JAK1: variants seen among roughly 807,000 people sequenced by gnomAD.
The protein encoded by JAK1 is tyrosine-protein kinase JAK1.
JAK1 carries 16 observed loss-of-function variants against 136.6 expected under a neutral mutation model. That is an observed-to-expected ratio of 0.12 (90% confidence interval 0.08 to 0.18). The LOEUF (loss-of-function observed/expected upper bound fraction) is 0.18, where lower values mean the gene tolerates loss of function less well. Among genes scored for constraint, JAK1 ranks in the 10% least tolerant of loss-of-function variants. The pLI, the probability that JAK1 is intolerant of heterozygous loss-of-function variation, is 1.00. For missense variants in JAK1, 859 were observed against 1,450.1 expected (o/e 0.59, Z 6.62); for synonymous variants, 492 against 519.5 (o/e 0.95, Z 0.72).
intron 1 of JAK1, among the ~76,000 whole-genome samples, chr1:64,946,259 A>G (rs1398197276): frequency 6.6e-6 from 1 of 152,212 alleles, no homozygotes; most frequent in Non-Finnish European, 1.5e-5. Flanking sequence ...TACAGGAGAG[A>G]GGAAACCACT....
At chr1:64,943,488 G>A (rs61784754) in intron 1 of JAK1, among the ~76,000 whole-genome samples, 10,824 of 152,268 alleles carry the variant, frequency 0.071, 503 homozygotes, top group South Asian at 0.11. Flanking sequence ...TTAGTGGGGA[G>A]ATGATGATTT....
At chr1:64,865,862 CGA>C (rs1252450818) in intron 7 of JAK1, among the ~76,000 whole-genome samples, 1 of 152,062 alleles carries the variant, frequency 6.6e-6, no homozygotes, top group African/African-American at 2.4e-5. Flanking sequence ...CAGGCTCAGG[CGA>C]TCCTCCCAAC....
chr1:64,988,559 G>A (rs1646621593), intron 2 of JAK1, among the ~76,000 whole-genome samples: 1 of 152,072 alleles, frequency 6.6e-6, no homozygotes, highest in Admixed American at 6.6e-5. Flanking sequence ...GAGGCTTACA[G>A]CCACCAAGTG....
At position 64,957,417 on chromosome 1, in the gene JAK1, G is replaced by C. The variant is rs181588324; in HGVS notation, c.-78+8916C>G. Among the ~76,000 whole-genome samples, 3 of 152,342 alleles carry C rather than the reference G, an allele frequency of 2.0e-5. No individual in the cohort carries two copies. In the East Asian group the frequency reaches 5.8e-4, roughly 29 times the overall value. On this transcript the variant is annotated intron_variant, in intron 1 of 24. Coordinates refer to ENST00000342505, the MANE Select transcript of JAK1 (RefSeq NM_002227.4). ...CTCTCTGCACCAGCTGCAGGGTGTT[G>C]GTCCCACCATAGGTCTTTGGCACAT...
chr1:64,936,067 T>C (rs1461235990), intron 1 of JAK1, among the ~76,000 whole-genome samples: 1 of 152,182 alleles, frequency 6.6e-6, no homozygotes, highest in Non-Finnish European at 1.5e-5. Flanking sequence ...AGTGTCAATA[T>C]GGGATCCGGC....
chr1:65,011,107 T>C (rs1192803319), intron 2 of JAK1, among the ~76,000 whole-genome samples: 1 of 152,244 alleles, frequency 6.6e-6, no homozygotes, highest in African/African-American at 2.4e-5. Context: ...ACCAAAAGCA[T>C]TCATTTGCCT....
intron 2 of JAK1, chr1:64,992,504 C>T (rs1454177631): frequency 6.6e-6 from 1 of 152,088 alleles, no homozygotes; most frequent in Non-Finnish European, 1.5e-5. Flanking sequence ...CAAGAAACAC[C>T]TCCCTAAATG....
In JAK1 at chr1:64,907,004, C is replaced by CAA. The variant is rs35945175; in HGVS notation, c.-77-20665_-77-20664dup. On this transcript the variant is annotated intron_variant, in intron 1 of 24. Coordinates refer to ENST00000342505, the MANE Select transcript of JAK1 (RefSeq NM_002227.4). ...CTTCTCTTAACAGTGAGGAGAAGCACAAAAAAAAAAAAAAGAATATTTATG... is the reference window on the plus strand; with the variant it reads ...CTTCTCTTAACAGTGAGGAGAAGCACAAAAAAAAAAAAAAAAGAATATTTATG... Among the ~76,000 whole-genome samples the CAA allele has an allele frequency of 5.2e-3, 725 of 140,324 alleles. 7 individuals are homozygous for CAA. The highest frequency in any genetic ancestry group is 8.3e-3 in the African/African-American group (309 of 37,392). 92.1% of individuals were successfully genotyped at this position (140,324 alleles called of 152,430 possible).
chr1:64,875,623 C>T (rs2101179056), intron 4 of JAK1, among the ~76,000 whole-genome samples: 1 of 152,354 alleles, frequency 6.6e-6, no homozygotes, highest in South Asian at 2.1e-4. Context: ...TTCAATGATT[C>T]TATACAGCCC....
chr1:65,059,480 T>C (rs1647697560), intron 1 of JAK1, among the ~76,000 whole-genome samples: 1 of 152,246 alleles, frequency 6.6e-6, no homozygotes, highest in African/African-American at 2.4e-5. Flanking sequence ...GTAACATTGA[T>C]ATTTTTCACT....
chr1:65,030,137 G>A (rs1647010069), intron 2 of JAK1, among the ~76,000 whole-genome samples: 2 of 152,062 alleles, frequency 1.3e-5, no homozygotes, highest in African/African-American at 4.8e-5. Flanking sequence ...AAGAGGAAGG[G>A]ATACCAGCAC....
chr1:64,841,685 C>T, intron 17 of JAK1, 84 bp from the exon 18 acceptor site: 1 of 1,387,830 alleles, frequency 7.2e-7, no homozygotes, highest in East Asian at 2.3e-5. Flanking sequence ...ATTGCCAATT[C>T]CTCATTCGAT....
chr1:64,971,115 G>A (rs1192543763), upstream of JAK1, among the ~76,000 whole-genome samples: 2 of 152,288 alleles, frequency 1.3e-5, no homozygotes, highest in South Asian at 2.1e-4. Flanking sequence ...TACAAATCAT[G>A]AAATTTGTTT....
chr1:64,910,199 G>A (rs570732712), intron 1 of JAK1, among the ~76,000 whole-genome samples: 6 of 152,226 alleles, frequency 3.9e-5, no homozygotes, highest in African/African-American at 7.2e-5. Context: ...ACAGAAATAC[G>A]TATTTTTAAA....
At chr1:64,971,496 C>T (rs568890865), upstream of JAK1, among the ~76,000 whole-genome samples, 1 of 152,210 alleles carries the variant, frequency 6.6e-6, no homozygotes, top group East Asian at 1.9e-4. Context: ...CAGGTGCGTG[C>T]CATCACACTT....
intron 2 of JAK1, among the ~76,000 whole-genome samples, chr1:65,038,576 T>C (rs1424372617): frequency 6.6e-6 from 1 of 152,218 alleles, no homozygotes; most frequent in Non-Finnish European, 1.5e-5. Flanking sequence ...CCACAAATTA[T>C]GTAGCCAGTC....
chr1:65,067,416 G>A (rs1648108528), intron 1 of JAK1, among the ~76,000 whole-genome samples: 3 of 148,608 alleles, frequency 2.0e-5, no homozygotes, highest in Admixed American at 2.0e-4. Flanking sequence ...CGGCTCCGAC[G>A]CGCCGCGAGA....
At chr1:64,905,994 A>G (rs2100230725) in intron 1 of JAK1, among the ~76,000 whole-genome samples, 1 of 152,318 alleles carries the variant, frequency 6.6e-6, no homozygotes, top group East Asian at 1.9e-4. Context: ...TGCCACATGC[A>G]TGCCAACAAT....
chr1:65,007,747 T>TG lies in JAK1; in HGVS notation c.-78+36732_-78+36733insC, dbSNP rs200148831. Among the ~76,000 whole-genome samples the TG allele has an allele frequency of 7.8e-3, 998 of 127,778 alleles. 7 individuals are homozygous for TG. Among genetic ancestry groups the TG allele is most frequent in the African/African-American group, 0.03 (967 of 32,762 alleles). 83.8% of individuals were successfully genotyped at this position (127,778 alleles called of 152,430 possible). ...TAAAGTGCTGGGATTATAGGTATGT[T>TG]TTTTTTTTTTCTTTCTGATACAGCG... On this transcript the variant is annotated intron_variant, in intron 2 of 25. Coordinates refer to the JAK1 transcript ENST00000671954.
Sources: gnomAD v4.1 joint callset for allele counts (sites outside exome capture counted in the v4.1 genomes callset) on GRCh38, gnomAD v4.1.1 for gene constraint, MANE v1.5 for transcripts, NCBI Gene and HGNC (gene_info 2026-07-23, HGNC 2026-07-21) for gene names.